ZNF385D: variants seen among roughly 807,000 people sequenced by gnomAD.
ZNF385D encodes zinc finger protein 659.
In ZNF385D, 15 loss-of-function variants were observed where a neutral mutation model predicts 35.8. That is an observed-to-expected ratio of 0.42 (90% CI 0.28 to 0.64). The LOEUF is 0.64. Among genes scored for constraint, ZNF385D ranks in the 30% least tolerant of loss-of-function variants. ZNF385D has a pLI of 0.23. For synonymous variants in ZNF385D, 212 were observed against 186.8 expected (o/e 1.13, Z -1.10); for missense variants, 474 against 494.6 (o/e 0.96, Z 0.39).
intron 3 of ZNF385D, among the ~76,000 whole-genome samples, chr3:21,945,231 G>A (rs1054110660): frequency 6.6e-6 from 1 of 152,028 alleles, no homozygotes; most frequent in African/African-American, 2.4e-5. Context: ...AAGAGACAGA[G>A]AGAGGAGAAA....
intron 3 of ZNF385D, among the ~76,000 whole-genome samples, chr3:21,521,376 A>G (rs532454715): frequency 7.2e-4 from 109 of 152,360 alleles, no homozygotes; most frequent in African/African-American, 2.4e-3. Flanking sequence ...TTGAACAGTT[A>G]CTGCACACCA....
intron 3 of ZNF385D, among the ~76,000 whole-genome samples, chr3:21,558,674 G>T (rs957935419): frequency 2.0e-5 from 3 of 152,098 alleles, no homozygotes; most frequent in South Asian, 2.1e-4. Context: ...GGCCCGCTTG[G>T]CCCAGAGCTG....
intron 2 of ZNF385D, among the ~76,000 whole-genome samples, chr3:22,223,329 A>T (rs972545872): frequency 6.6e-6 from 1 of 152,166 alleles, no homozygotes; most frequent in East Asian, 1.9e-4. Context: ...GGCAATTTTC[A>T]TAAGTATAGT....
chr3:21,775,417 TA>T (rs911395855), intron 3 of ZNF385D, among the ~76,000 whole-genome samples: 82 of 151,468 alleles, frequency 5.4e-4, no homozygotes, highest in African/African-American at 1.8e-3. Context: ...AAAATAAAAA[TA>T]AAAAAAGGAA....
chr3:22,329,525 T>C (rs2125458166), intron 2 of ZNF385D, among the ~76,000 whole-genome samples: 1 of 152,316 alleles, frequency 6.6e-6, no homozygotes, highest in East Asian at 1.9e-4. Flanking sequence ...AAAAATTATG[T>C]AACATTTTGA....
chr3:21,485,893 C>A (rs925621176), intron 4 of ZNF385D, among the ~76,000 whole-genome samples: 1 of 151,854 alleles, frequency 6.6e-6, no homozygotes, highest in African/African-American at 2.4e-5. Flanking sequence ...AACCCTTTAT[C>A]TGAATCCCAC....
At position 22,342,849 on chromosome 3, in the gene ZNF385D, CAA is replaced by C. The variant is rs200552731; in HGVS notation, c.106+29599_106+29600del. Among the ~76,000 whole-genome samples the C allele has an allele frequency of 2.6e-5, 4 of 152,302 alleles. 1 individual carries two copies. In the East Asian group the frequency reaches 7.7e-4, roughly 29 times the overall value. On this transcript the variant is annotated intron_variant, in intron 2 of 5. Coordinates refer to the ZNF385D transcript ENST00000494108. ...GAACTTCTCCAAGAGACCTCAATCTCAAAAGCTTCCTGACTATTCCAAACCAC... is the reference window on the plus strand; with the variant it reads ...GAACTTCTCCAAGAGACCTCAATCTCAAGCTTCCTGACTATTCCAAACCAC...
intron 3 of ZNF385D, among the ~76,000 whole-genome samples, chr3:21,761,866 TTCC>T (rs2070626264): frequency 7.3e-6 from 1 of 136,410 alleles, no homozygotes; most frequent in Non-Finnish European, 1.5e-5. Context: ...GAGCATTTTC[TTCC>T]TTTTTTTTTT....
At chr3:22,345,349 C>G (rs1695610559) in intron 2 of ZNF385D, among the ~76,000 whole-genome samples, 2 of 152,208 alleles carry the variant, frequency 1.3e-5, no homozygotes, top group African/African-American at 4.8e-5. Flanking sequence ...ATAAATGAAC[C>G]TACATTTTCA....
chr3:21,956,367 T>G (rs1471409780), intron 3 of ZNF385D, among the ~76,000 whole-genome samples: 1 of 151,912 alleles, frequency 6.6e-6, no homozygotes, highest in Non-Finnish European at 1.5e-5. Flanking sequence ...TCACACTTAT[T>G]ATATTTTATA....
rs192839990 is a variant in ZNF385D at position 21,811,994 on chromosome 3, C to T, written c.326-146966G>A. Reference sequence around the variant, plus strand: ...AAAGTATATAGAACCACCTACAAAACATTTTTGCCAAAAAAATCAAATTTG... The same window carrying T: ...AAAGTATATAGAACCACCTACAAAATATTTTTGCCAAAAAAATCAAATTTG... On this transcript the variant is annotated intron_variant, in intron 3 of 5. Transcript: ENST00000494108. Among the ~76,000 whole-genome samples the T allele has an allele frequency of 1.0e-3, 156 of 152,256 alleles. 1 individual carries two copies. Among genetic ancestry groups the T allele is most frequent in the African/African-American group, 3.7e-3 (152 of 41,554 alleles).
chr3:21,985,752 C>T (rs1367553843), intron 3 of ZNF385D, among the ~76,000 whole-genome samples: 14 of 107,296 alleles, frequency 1.3e-4, no homozygotes, highest in East Asian at 4.9e-4. Flanking sequence ...GTACCAGTTC[C>T]TCCTTGTACC....
chr3:21,933,797 C>A (rs1231542684), intron 3 of ZNF385D, among the ~76,000 whole-genome samples: 1 of 152,058 alleles, frequency 6.6e-6, no homozygotes, highest in African/African-American at 2.4e-5. Context: ...ATCTAAACAA[C>A]TTTTCTATCT....
chr3:22,100,756 C>T lies in ZNF385D; in HGVS notation c.325+68061G>A, dbSNP rs186040827. On this transcript the variant is annotated intron_variant, in intron 3 of 5. Transcript: ENST00000494108. ...CTAGATGACGAGTTAGTGGGTGTAG[C>T]GCACCAGCATGGCACATGTATACAT... is the stretch of plus-strand genomic sequence containing the variant. 8.9e-3 allele frequency among the ~76,000 whole-genome samples: 1,348 copies of T among 151,498 alleles called. 64 individuals carry two copies. The highest frequency in any genetic ancestry group is 0.076 in the Admixed American group (1,158 of 15,186).
chr3:21,738,714 T>C lies in ZNF385D; in HGVS notation c.22+12181A>G, dbSNP rs549383034. Among the ~76,000 whole-genome samples, 170 of 152,274 alleles carry C rather than the reference T, an allele frequency of 1.1e-3. 4 individuals are homozygous for C. The highest frequency in any genetic ancestry group is 3.7e-3 in the African/African-American group (152 of 41,580). The stretch of plus-strand genomic sequence containing the variant: ...TGAAATGGAGACTTTTGGCCCCTTA[T>C]GTTTAATCCCCTTTCAGAAGGCTTT... On this transcript the variant is annotated intron_variant, in intron 1 of 7. Transcript: ENST00000281523.
chr3:21,479,505 T>C (rs957951964), intron 4 of ZNF385D, among the ~76,000 whole-genome samples: 7 of 152,130 alleles, frequency 4.6e-5, no homozygotes, highest in Non-Finnish European at 1.0e-4. Context: ...AAAGATTTAT[T>C]TAAGGCCAAG....
intron 1 of ZNF385D, among the ~76,000 whole-genome samples, chr3:21,691,838 T>C (rs1033054623): frequency 1.1e-4 from 16 of 152,206 alleles, no homozygotes; most frequent in Admixed American, 9.2e-4. Context: ...CAGAATGTTT[T>C]CATCATCCGA....
intron 4 of ZNF385D, among the ~76,000 whole-genome samples, chr3:21,469,437 A>G (rs1278201013): frequency 6.6e-6 from 1 of 152,218 alleles, no homozygotes; most frequent in Non-Finnish European, 1.5e-5. Context: ...GGAGCAAAAT[A>G]TAAGCACATG....
chr3:21,858,892 G>C (rs1181162047), intron 3 of ZNF385D, among the ~76,000 whole-genome samples: 1 of 152,046 alleles, frequency 6.6e-6, no homozygotes, highest in Non-Finnish European at 1.5e-5. Flanking sequence ...CACAGTGCCA[G>C]TGAATCCGAT....
Sources: gnomAD v4.1 joint callset for allele counts (sites outside exome capture counted in the v4.1 genomes callset) on GRCh38, gnomAD v4.1.1 for gene constraint, MANE v1.5 for transcripts, NCBI Gene and HGNC (gene_info 2026-07-23, HGNC 2026-07-21) for gene names.